Variants in FAM135A observed in about 807,000 individuals in gnomAD.
The protein encoded by FAM135A is family with sequence similarity 135 member A.
A neutral mutation model predicts 146.8 loss-of-function variants in FAM135A; 79 were observed. That is an observed-to-expected ratio of 0.54 (90% CI 0.45 to 0.65). FAM135A has a LOEUF of 0.65. Ranked by LOEUF, FAM135A falls within the 30% of genes least tolerant of loss-of-function variation. The probability of loss-of-function intolerance (pLI) is 0.00; values close to 1 mark genes in which losing one functional copy is unlikely to be tolerated. For synonymous variants in FAM135A, 562 were observed against 603.6 expected, an observed-to-expected ratio of 0.93 and a Z score of 1.01; for missense variants, 1,623 against 1,758.2, an observed-to-expected ratio of 0.92 and a Z score of 1.38.
chr6:70,538,854 T>G (rs1382467331), intron 20 of FAM135A, among the ~76,000 whole-genome samples: 1 of 140,268 alleles, frequency 7.1e-6, no homozygotes, highest in African/African-American at 2.7e-5. Flanking sequence ...TATTATATTA[T>G]ATTATATGGC....
chr6:70,529,055 G>A (rs2128378631), intron 16 of FAM135A, among the ~76,000 whole-genome samples: 1 of 151,658 alleles, frequency 6.6e-6, no homozygotes, highest in East Asian at 1.9e-4. Flanking sequence ...CTTATTGTTG[G>A]TTTTGCCAGC....
chr6:70,431,363 G>A (rs1277052500), intron 4 of FAM135A, among the ~76,000 whole-genome samples: 2 of 152,180 alleles, frequency 1.3e-5, no homozygotes, highest in East Asian at 3.8e-4. Flanking sequence ...TGGCAGATTG[G>A]CCGGGCACTA....
At chr6:70,430,923 G>C (rs1771441837) in intron 4 of FAM135A, among the ~76,000 whole-genome samples, 1 of 152,088 alleles carries the variant, frequency 6.6e-6, no homozygotes, top group Non-Finnish European at 1.5e-5. Context: ...CAACCAGTTG[G>C]CGTTTTTGGT....
At chr6:70,425,412 A>G (rs137945560) in intron 2 of FAM135A, among the ~76,000 whole-genome samples, 7 of 152,334 alleles carry the variant, frequency 4.6e-5, no homozygotes, top group African/African-American at 1.7e-4. Context: ...AATATCTTAT[A>G]TAAAGATAGC....
intron 20 of FAM135A, among the ~76,000 whole-genome samples, chr6:70,547,544 T>G (rs141386897): frequency 8.3e-4 from 127 of 152,242 alleles, no homozygotes; most frequent in Middle Eastern, 3.4e-3. Flanking sequence ...TTTTCCACCT[T>G]CAGCAGTGAT....
chr6:70,535,683 C>T (rs1306580343), intron 18 of FAM135A, among the ~76,000 whole-genome samples: 1 of 152,160 alleles, frequency 6.6e-6, no homozygotes, highest in East Asian at 1.9e-4. Context: ...TAAACCATTT[C>T]ATAACAAAAG....
At chr6:70,421,383 G>A (rs1191496451) in intron 2 of FAM135A, among the ~76,000 whole-genome samples, 1 of 152,082 alleles carries the variant, frequency 6.6e-6, no homozygotes, top group Non-Finnish European at 1.5e-5. Flanking sequence ...TCGTTCAGTG[G>A]ACACATGTTA....
intron 11 of FAM135A, among the ~76,000 whole-genome samples, chr6:70,492,939 CTT>C (rs140785355): frequency 0.13 from 19,763 of 151,890 alleles, 1,514 homozygotes; most frequent in Middle Eastern, 0.19. Flanking sequence ...TTTTAAAACA[CTT>C]ATATATTGCA....
intron 11 of FAM135A, among the ~76,000 whole-genome samples, chr6:70,492,534 T>C (rs1231860577): frequency 1.3e-5 from 2 of 151,614 alleles, no homozygotes; most frequent in African/African-American, 4.8e-5. Flanking sequence ...CAAAATATAC[T>C]ATAAATTTGA....
chr6:70,467,680 T>A (rs1780730258), intron 5 of FAM135A, among the ~76,000 whole-genome samples: 1 of 152,030 alleles, frequency 6.6e-6, no homozygotes, highest in Admixed American at 6.6e-5. Context: ...TCTTTTACTC[T>A]CTTATTCTCT....
chr6:70,451,850 T>G (rs571972805), intron 4 of FAM135A, among the ~76,000 whole-genome samples: 8 of 152,134 alleles, frequency 5.3e-5, no homozygotes, highest in Non-Finnish European at 1.0e-4. Flanking sequence ...CTCCATTACA[T>G]ACACAAATTT....
At chr6:70,481,496 G>T (rs1783690877) in intron 9 of FAM135A, among the ~76,000 whole-genome samples, 1 of 152,082 alleles carries the variant, frequency 6.6e-6, no homozygotes, top group Non-Finnish European at 1.5e-5. Context: ...AAAAAATAAT[G>T]GTGGCACATG....
chr6:70,512,602 T>C (rs921150627), intron 12 of FAM135A, among the ~76,000 whole-genome samples: 1 of 151,790 alleles, frequency 6.6e-6, no homozygotes, highest in African/African-American at 2.4e-5. Context: ...CTCTGCTGAC[T>C]CCTGATATTG....
chr6:70,541,216 T>C (rs1797857845), intron 20 of FAM135A, among the ~76,000 whole-genome samples: 1 of 152,204 alleles, frequency 6.6e-6, no homozygotes, highest in African/African-American at 2.4e-5. Flanking sequence ...AATAAATATT[T>C]CTGTTGATCT....
chr6:70,422,172 G>A (rs1227286781), intron 2 of FAM135A, among the ~76,000 whole-genome samples: 1 of 151,980 alleles, frequency 6.6e-6, no homozygotes, highest in Non-Finnish European at 1.5e-5. Context: ...CACCTTTAGG[G>A]ACAAAAAAGA....
intron 5 of FAM135A, among the ~76,000 whole-genome samples, chr6:70,459,683 T>C (rs775454503): frequency 6.6e-6 from 1 of 152,170 alleles, no homozygotes; most frequent in African/African-American, 2.4e-5. Flanking sequence ...TTCATCCATC[T>C]TTTTTTCTGG....
At position 70,525,633 on chromosome 6, in the gene FAM135A, C is replaced by A; in HGVS notation, c.2549C>A (p.Ser850Ter). The part of the protein sequence containing the change: ...INSLPSDDEL[S>*]PDENSKKSVV... ...TCTCTACCCTCCGATGATGAACTGT[C>A]ACCTGATGAAAATTCTAAGAAATCT... is the stretch of plus-strand genomic sequence containing the variant. The change falls in exon 15 of 22, where the codon TCA becomes TAA. Residue 850 changes from serine to a stop codon, truncating the protein, a stop_gained. Transcript: ENST00000418814. LOFTEE classifies it high-confidence loss of function. The A allele has an allele frequency of 6.2e-7, 1 of 1,613,048 alleles. No individual in the cohort carries two copies. Among genetic ancestry groups the A allele is most frequent in the South Asian group, 1.1e-5 (1 of 90,902 alleles).
At chr6:70,529,499 C>G (rs1410369425) in intron 16 of FAM135A, among the ~76,000 whole-genome samples, 1 of 150,926 alleles carries the variant, frequency 6.6e-6, no homozygotes, top group Non-Finnish European at 1.5e-5. Context: ...AACTTTTCTT[C>G]CCTCCCTCCA....
At chr6:70,551,039 G>A (rs954223666) in intron 20 of FAM135A, among the ~76,000 whole-genome samples, 3 of 152,152 alleles carry the variant, frequency 2.0e-5, no homozygotes, top group African/African-American at 7.2e-5. Flanking sequence ...AAGAGTTAGG[G>A]TCCTGCTCTG....
Sources: allele counts gnomAD v4.1 joint callset (sites outside exome capture counted in the v4.1 genomes callset), GRCh38; gene constraint gnomAD v4.1.1; transcripts MANE v1.5; gene names NCBI Gene and HGNC (gene_info 2026-07-23, HGNC 2026-07-21).